Variants in UGT1A8 observed in about 807,000 individuals in gnomAD.
UGT1A8 encodes the protein UDP-glucuronosyltransferase 1A8.
A neutral mutation model predicts 45.3 loss-of-function variants in UGT1A8; 39 were observed. The ratio of observed to expected loss-of-function variants is 0.86; its 90% CI spans 0.67 to 1.12. UGT1A8 has a LOEUF of 1.12. Among genes scored for constraint, UGT1A8 ranks in the 50% most tolerant of loss-of-function variants. The probability of loss-of-function intolerance (pLI) is 0.00; values close to 1 mark genes in which losing one functional copy is unlikely to be tolerated. For missense variants in UGT1A8, 719 were observed against 664.9 expected, an observed-to-expected ratio of 1.08 and a Z score of -0.90; for synonymous variants, 275 against 249.2, an observed-to-expected ratio of 1.10 and a Z score of -0.97.
chr2:233,723,259 G>T (rs1486772890), intron 1 of UGT1A8, among the ~76,000 whole-genome samples: 1 of 114,276 alleles, frequency 8.8e-6, no homozygotes, highest in African/African-American at 4.3e-5. Flanking sequence ...ACCCAGGCTG[G>T]AGTGCAATGG....
chr2:233,755,496 C>G (rs1460614171), intron 1 of UGT1A8: 1 of 187,824 alleles, frequency 5.3e-6, no homozygotes, highest in African/African-American at 2.4e-5. Context: ...TGTGATGCTC[C>G]AAGACCAGGC....
chr2:233,715,540 GGGA>G, intron 1 of UGT1A8, among the ~76,000 whole-genome samples: 1 of 152,104 alleles, frequency 6.6e-6, no homozygotes. Flanking sequence ...GGGAGACCGA[GGGA>G]GGAGGATTGC....
At chr2:233,747,752 A>C in intron 1 of UGT1A8, 1 of 1,613,466 alleles carries the variant, frequency 6.2e-7, no homozygotes, top group Non-Finnish European at 8.5e-7. Context: ...CATGTGATTT[A>C]GACTTTAAGG....
In UGT1A8 at chr2:233,672,279, C is replaced by T. The variant is rs758969692; in HGVS notation, c.855+53717C>T. 7.4e-6 allele frequency: 12 copies of T among 1,613,642 alleles called. No homozygotes were observed. The Admixed American group carries it at 1.3e-4, about 18-fold the overall frequency. Reference sequence around the variant, plus strand: ...CTCTATTAATGGGTTCATACAATGACATTTTTGACTTATTTTTTTCAAATT... The same window carrying T: ...CTCTATTAATGGGTTCATACAATGATATTTTTGACTTATTTTTTTCAAATT... On this transcript the variant is annotated intron_variant, in intron 1 of 4. Transcript: ENST00000373450.
intron 1 of UGT1A8, among the ~76,000 whole-genome samples, chr2:233,720,088 T>A (rs2076829579): frequency 1.3e-5 from 2 of 152,140 alleles, no homozygotes; most frequent in South Asian, 4.1e-4. Context: ...ACATGATAAT[T>A]TTTAGTGGTC....
At chr2:233,690,939 C>T in intron 1 of UGT1A8, 1 of 1,018,018 alleles carries the variant, frequency 9.8e-7, no homozygotes, top group Non-Finnish European at 1.2e-6. Flanking sequence ...CTTCCTCCAA[C>T]TCATGTTCTG....
At chr2:233,657,756 A>G (rs1575405860) in intron 1 of UGT1A8, among the ~76,000 whole-genome samples, 1 of 152,188 alleles carries the variant, frequency 6.6e-6, no homozygotes, top group Non-Finnish European at 1.5e-5. Context: ...TTTAAATATG[A>G]TGTTGAGCAT....
chr2:233,768,579 C>G (rs1408640204), intron 4 of UGT1A8, 140 bp downstream of exon 4: 7 of 934,896 alleles, frequency 7.5e-6, no homozygotes, highest in Non-Finnish European at 8.5e-6. Flanking sequence ...ATTTTTATTT[C>G]TTCTTTTTTT....
intron 1 of UGT1A8, among the ~76,000 whole-genome samples, chr2:233,636,109 G>A (rs1394565766): frequency 6.6e-6 from 1 of 150,988 alleles, no homozygotes; most frequent in African/African-American, 2.4e-5. Flanking sequence ...TTTCTTTCTG[G>A]ACAGAGAGTA....
Position 233,648,337 on chromosome 2 carries a change from G to A in UGT1A8, c.855+29775G>A, listed in dbSNP as rs371027535. ...TTTCTCCCTCCTCTCGGTGGTCTTC[G>A]CCAGAGGAATACTTTGACATTACCT... On this transcript the variant is annotated intron_variant, in intron 1 of 4. Transcript: ENST00000373450. 95 of 472,064 alleles carry A rather than the reference G, an allele frequency of 2.0e-4. No homozygotes were observed. The Middle Eastern group carries it at 4.4e-3, about 22-fold the overall frequency. 29.2% of individuals were successfully genotyped at this position (472,064 alleles called of 1,614,324 possible). A position where few individuals can be genotyped will look rare whatever the true frequency, so the allele number is the denominator to read the frequency against.
intron 1 of UGT1A8, among the ~76,000 whole-genome samples, chr2:233,689,453 A>C (rs1166849064): frequency 6.6e-6 from 1 of 152,232 alleles, no homozygotes; most frequent in Non-Finnish European, 1.5e-5. Context: ...GCAAGGATAC[A>C]TTTTAGGAAA....
chr2:233,722,351 T>C (rs991919579), intron 1 of UGT1A8, among the ~76,000 whole-genome samples: 1 of 152,240 alleles, frequency 6.6e-6, no homozygotes, highest in African/African-American at 2.4e-5. Context: ...TTTCTACAAA[T>C]ATACAAGACT....
intron 1 of UGT1A8, among the ~76,000 whole-genome samples, chr2:233,742,141 C>G (rs569949528): frequency 6.6e-6 from 1 of 151,830 alleles, no homozygotes; most frequent in Non-Finnish European, 1.5e-5. Flanking sequence ...AACCCAGCAG[C>G]GCTAGACGAA....
intron 1 of UGT1A8, among the ~76,000 whole-genome samples, chr2:233,666,598 TG>T (rs975094634): frequency 1.5e-4 from 23 of 152,274 alleles, no homozygotes; most frequent in South Asian, 4.1e-4. Flanking sequence ...AGTCTGTAGA[TG>T]TTTTTTTTAA....
chr2:233,718,939 C>T (rs149017068), intron 1 of UGT1A8: 3 of 1,614,142 alleles, frequency 1.9e-6, no homozygotes, highest in East Asian at 2.2e-5. Context: ...GATGGCAGCC[C>T]CTGGCTCAGC....
In UGT1A8 at chr2:233,767,996, A is replaced by G. The variant is rs555884765; in HGVS notation, c.1075+60A>G. The G allele has an allele frequency of 8.8e-4, 1,425 of 1,614,192 alleles. 2 individuals are homozygous for G. The highest frequency in any genetic ancestry group is 7.6e-4 in the Non-Finnish European group (900 of 1,180,046). ...AGGGTCAAATTAAGAAAATGGCTTA[A>G]GCACAGCTATTCTAAAGGATTGTTG... On this transcript the variant is annotated intron_variant, in intron 3 of 4. Transcript: ENST00000373450.
In UGT1A8 at chr2:233,618,380, A is replaced by C. The variant is rs773136398; in HGVS notation, c.673A>C (p.Lys225Gln). The part of the protein sequence containing the change: ...EEHLFCQYFS[K>Q]NALEIASEIL... ...ACATTTATTTTGCCAGTATTTTTCC[A>C]AAAATGCCCTAGAAATAGCCTCTGA... Residue 225 changes from lysine to glutamine, a missense_variant, in exon 1 of 5, where the codon AAA becomes CAA. Physicochemically the swap from Lys to Gln is moderately conservative, Grantham distance 53 (BLOSUM62 1). Coordinates refer to ENST00000373450, the MANE Select transcript of UGT1A8 (RefSeq NM_019076.5). 6.2e-7 allele frequency: 1 copy of C among 1,613,900 alleles called. No homozygotes were observed. Among genetic ancestry groups the C allele is most frequent in the Non-Finnish European group, 8.5e-7 (1 of 1,179,836 alleles).
At chr2:233,716,354 T>C (rs1201457600) in intron 1 of UGT1A8, among the ~76,000 whole-genome samples, 6 of 152,254 alleles carry the variant, frequency 3.9e-5, no homozygotes, top group Admixed American at 2.6e-4. Context: ...ACAATGTAGA[T>C]ACTTTGTGGG....
chr2:233,748,052 C>G, intron 1 of UGT1A8: 1 of 1,613,446 alleles, frequency 6.2e-7, no homozygotes, highest in Non-Finnish European at 8.5e-7. Context: ...GGGGCATCAA[C>G]TGTGCCAACA....
Sources: gnomAD v4.1 joint callset for allele counts (sites outside exome capture counted in the v4.1 genomes callset) on GRCh38, gnomAD v4.1.1 for gene constraint, MANE v1.5 for transcripts, NCBI Gene and HGNC (gene_info 2026-07-23, HGNC 2026-07-21) for gene names.